TRPM8: variants seen among roughly 807,000 people sequenced by gnomAD.
The protein encoded by TRPM8 is transient receptor potential cation channel subfamily M member 8.
A neutral mutation model predicts 133.7 loss-of-function variants in TRPM8; 110 were observed. That is an observed-to-expected ratio of 0.82 (90% CI 0.70 to 0.96). The LOEUF (loss-of-function observed/expected upper bound fraction) is 0.96. Ranked by LOEUF, TRPM8 falls within the 40% of genes least tolerant of loss-of-function variation. The pLI is 0.00. For missense variants in TRPM8, 1,291 were observed against 1,379.5 expected, an observed-to-expected ratio of 0.94 and a Z score of 1.02; for synonymous variants, 535 against 532.3, an observed-to-expected ratio of 1.01 and a Z score of -0.07.
chr2:233,963,258 T>C, intron 12 of TRPM8, 24 bp from the exon 13 acceptor site: 1 of 1,561,604 alleles, frequency 6.4e-7, no homozygotes, highest in Non-Finnish European at 8.8e-7. Flanking sequence ...TTGCACATGC[T>C]GACCACATGC....
At chr2:233,918,681 A>G (rs538197476) in intron 1 of TRPM8, among the ~76,000 whole-genome samples, 12 of 152,298 alleles carry the variant, frequency 7.9e-5, no homozygotes, top group African/African-American at 2.4e-4. Context: ...TGGCTGATAG[A>G]GGCAATTAGA....
chr2:233,953,996 C>T lies in TRPM8; in HGVS notation c.1220C>T (p.Ala407Val). The T allele has an allele frequency of 1.9e-6, 3 of 1,613,362 alleles. No individual in the cohort carries two copies. The highest frequency in any genetic ancestry group is 1.7e-5 in the Admixed American group (1 of 59,996). Residue 407 changes from alanine to valine, a missense_variant, in exon 10 of 26, where the codon GCC (alanine) becomes GTC (valine). Coordinates refer to ENST00000324695, the MANE Select transcript of TRPM8 (RefSeq NM_024080.5). ...EEAGDEIVSN[A>V]ISYALYKAFS... ...GCTGGGGATGAAATTGTGAGCAATG[C>T]CATCTCCTACGCTCTATACAAAGGT...
intron 22 of TRPM8, among the ~76,000 whole-genome samples, chr2:234,006,065 C>G (rs1471831954): frequency 6.6e-6 from 1 of 152,046 alleles, no homozygotes; most frequent in Non-Finnish European, 1.5e-5. Context: ...TATTCCTAAA[C>G]TCTAACATGT....
intron 22 of TRPM8, among the ~76,000 whole-genome samples, chr2:234,001,467 CATT>C (rs10535391): frequency 0.56 from 85,420 of 151,594 alleles, 24,002 homozygotes; most frequent in Middle Eastern, 0.65. Flanking sequence ...AAAGGAACAT[CATT>C]GAGTTCTGAT....
intron 1 of TRPM8, among the ~76,000 whole-genome samples, chr2:233,918,611 C>A (rs1289369281): frequency 3.3e-5 from 5 of 152,096 alleles, no homozygotes; most frequent in Admixed American, 6.5e-5. Context: ...ACTTCGGGAG[C>A]CTCCACTGGC....
intron 4 of TRPM8, among the ~76,000 whole-genome samples, chr2:233,938,247 C>T (rs1690809691): frequency 6.6e-6 from 1 of 152,260 alleles, no homozygotes; most frequent in Non-Finnish European, 1.5e-5. Flanking sequence ...CTTCAAACGC[C>T]TCAAGTCACC....
Position 234,006,847 on chromosome 2 carries a change from T to C in TRPM8, c.3131-6T>C. On this transcript the variant is annotated splice_region_variant and splice_polypyrimidine_tract_variant and intron_variant, in intron 22 of 25. Transcript: ENST00000324695. ...TTTGAATGTTTTCTTTTTCTCATTA[T>C]TCAAGGTTTCAAAAATGAAGACAAT... The C allele has an allele frequency of 6.2e-7, 1 of 1,603,522 alleles. No homozygotes were observed. The highest frequency in any genetic ancestry group is 8.5e-7 in the Non-Finnish European group (1 of 1,171,034).
chr2:233,937,224 A>G lies in TRPM8; in HGVS notation c.192-129A>G, dbSNP rs1038170792. The G allele has an allele frequency of 5.3e-5, 63 of 1,191,504 alleles. No individual in the cohort carries two copies. In the African/African-American group the frequency reaches 8.6e-4, roughly 16 times the overall value. 73.8% of individuals were successfully genotyped at this position (1,191,504 alleles called of 1,614,324 possible). On this transcript the variant is annotated intron_variant, in intron 3 of 25. Transcript: ENST00000324695. ...TCAAACTAGTTTCTACACAACCAAGATGATGAAAACAGTCTGAAAATAAGA... is the reference window on the plus strand; with the variant it reads ...TCAAACTAGTTTCTACACAACCAAGGTGATGAAAACAGTCTGAAAATAAGA...
chr2:234,017,239 G>T, intron 25 of TRPM8, 60 bp from the exon 26 acceptor site: 1 of 463,536 alleles, frequency 2.2e-6, no homozygotes. Context: ...ACCATATCCT[G>T]CCTGAGAATG....
intron 5 of TRPM8, 151 bp from the exon 6 acceptor site, chr2:233,942,425 G>A (rs1429984846): frequency 2.4e-5 from 18 of 735,514 alleles, no homozygotes; most frequent in Non-Finnish European, 1.9e-5. Flanking sequence ...ACTGTCTGAG[G>A]TCCCCTCTCC....
chr2:233,983,308 G>A (rs771575284), intron 20 of TRPM8, 84 bp downstream of exon 20: 7 of 1,518,268 alleles, frequency 4.6e-6, no homozygotes, highest in Middle Eastern at 1.7e-4. Flanking sequence ...CCCGGAGACC[G>A]CACTTCAGAA....
intron 11 of TRPM8, among the ~76,000 whole-genome samples, chr2:233,958,912 T>G (rs970799832): frequency 6.2e-5 from 9 of 146,226 alleles, no homozygotes; most frequent in African/African-American, 2.3e-4. Flanking sequence ...CAGGGAGGAG[T>G]GGTGGGGACT....
chr2:234,006,563 G>C (rs740550), intron 22 of TRPM8, among the ~76,000 whole-genome samples: 5,544 of 152,318 alleles, frequency 0.036, 138 homozygotes, highest in South Asian at 0.074. Context: ...TTAGTGGAAT[G>C]ATTTTGCGAA....
At chr2:234,007,929 C>T in intron 23 of TRPM8, 141 bp from the exon 24 acceptor site, 1 of 848,156 alleles carries the variant, frequency 1.2e-6, no homozygotes. Context: ...AAGGTAAATG[C>T]AGCTGATTCT....
At chr2:233,973,954 G>C (rs1691799769) in intron 17 of TRPM8, among the ~76,000 whole-genome samples, 1 of 152,226 alleles carries the variant, frequency 6.6e-6, no homozygotes, top group Admixed American at 6.5e-5. Flanking sequence ...ACCTGGCGTG[G>C]TTTCCTCCAC....
At chr2:234,002,159 G>GAAGATGA (rs1692582158) in intron 22 of TRPM8, among the ~76,000 whole-genome samples, 1 of 151,906 alleles carries the variant, frequency 6.6e-6, no homozygotes, top group South Asian at 2.1e-4. Context: ...CTGAGACCCA[G>GAAGATGA]AAGATGAATT....
chr2:233,925,320 A>G (rs147349708), intron 1 of TRPM8, among the ~76,000 whole-genome samples: 1 of 152,334 alleles, frequency 6.6e-6, no homozygotes, highest in East Asian at 1.9e-4. Flanking sequence ...GCAAGTTAAC[A>G]GGGGTCAAAC....
rs142129297 is a variant in TRPM8 at position 233,953,417 on chromosome 2, C to T, written c.1141-500C>T. 9.2e-4 allele frequency among the ~76,000 whole-genome samples: 140 copies of T among 152,296 alleles called. 1 individual carries two copies. Among genetic ancestry groups the T allele is most frequent in the Non-Finnish European group, 1.6e-3 (109 of 68,024 alleles). ...TTACAGGGTTATTTACTTTTTAAAA[C>T]GTCTTAAAATTAAACATTACAGAAA... On this transcript the variant is annotated intron_variant, in intron 9 of 25. Coordinates refer to ENST00000324695, the MANE Select transcript of TRPM8 (RefSeq NM_024080.5).
At chr2:234,014,771 A>G (rs1173666924) in intron 25 of TRPM8, 117 bp downstream of exon 25, 1 of 447,636 alleles carries the variant, frequency 2.2e-6, no homozygotes, top group African/African-American at 2.8e-5. Flanking sequence ...AAATTTGAAA[A>G]TAATGCATTG....
Sources: gnomAD v4.1 joint callset for allele counts (sites outside exome capture counted in the v4.1 genomes callset) on GRCh38, gnomAD v4.1.1 for gene constraint, MANE v1.5 for transcripts, NCBI Gene and HGNC (gene_info 2026-07-23, HGNC 2026-07-21) for gene names.